The following OBSL1 variants were observed in gnomAD, a reference collection of about 807,000 sequenced individuals.
OBSL1 encodes obscurin-like protein 1.
In OBSL1, 160 loss-of-function variants were observed where a neutral mutation model predicts 172.0. That is an observed-to-expected ratio of 0.93 (90% CI 0.82 to 1.06). OBSL1 has a LOEUF of 1.06. Among genes scored for constraint, OBSL1 ranks in the 50% least tolerant of loss-of-function variants. The pLI is 0.00. For missense variants in OBSL1, 2,681 were observed against 2,715.4 expected, an observed-to-expected ratio of 0.99 and a Z score of 0.28; for synonymous variants, 1,200 against 1,196.3, an observed-to-expected ratio of 1.00 and a Z score of -0.06.
At chr2:219,554,226 T>C in intron 15 of OBSL1, 3 of 574,330 alleles carry the variant, frequency 5.2e-6, no homozygotes, top group South Asian at 2.1e-5. Context: ...GGCAAAGGCA[T>C]GCTCTTGGTA....
intron 9 of OBSL1, among the ~76,000 whole-genome samples, 179 bp from the exon 10 acceptor site, chr2:219,558,638 TCA>T (rs1028879638): frequency 7.2e-5 from 11 of 152,242 alleles, no homozygotes; most frequent in Non-Finnish European, 1.5e-4. Context: ...GTTTTTTCAA[TCA>T]GTTACTCTGA....
chr2:219,566,928 T>G lies in OBSL1; in HGVS notation c.2036A>C (p.His679Pro). 1 of 1,613,706 alleles carries G rather than the reference T, an allele frequency of 6.2e-7. No individual in the cohort carries two copies. Among genetic ancestry groups the G allele is most frequent in the Non-Finnish European group, 8.5e-7 (1 of 1,179,764 alleles). ...RYRIEQKGLQ[H>P]RLILHAVKHQ... ...CTTGACGGCATGCAGGATGAGTCTG[T>G]GCTGCAGACCCTTCTGCTCTATACG... The change falls in exon 5 of 21, where the codon CAC (histidine) becomes CCC (proline). Residue 679 changes from histidine to proline, a missense_variant. This residue lies in a region of OBSL1 where 1,765 missense variants were observed against 1,748.3 expected (regional missense o/e 1.01). Transcript: ENST00000404537.
intron 5 of OBSL1, 57 bp from the exon 6 acceptor site, chr2:219,565,571 C>A: frequency 6.4e-7 from 1 of 1,550,484 alleles, no homozygotes; most frequent in South Asian, 1.1e-5. Context: ...GGCTCAGTGT[C>A]GGATGCATCA....
At position 219,570,906 on chromosome 2, in the gene OBSL1, G is replaced by T; in HGVS notation, c.327C>A (p.Pro109=). 7.6e-7 allele frequency: 1 copy of T among 1,318,472 alleles called. No individual in the cohort carries two copies. The highest frequency in any genetic ancestry group is 2.3e-5 in the South Asian group (1 of 43,226). The allele number at this position is 1,318,472 out of a possible 1,614,324, so 81.7% of individuals were successfully genotyped here. A position where few individuals can be genotyped will look rare whatever the true frequency, so the allele number is the denominator to read the frequency against. The change falls in exon 1 of 21, where the codon CCC becomes CCA. Residue 109 remains proline (P), a synonymous_variant. Coordinates refer to ENST00000404537, the MANE Select transcript of OBSL1 (RefSeq NM_015311.3). ...GCGGGCGCTCGGCGGGCTGCAGCTC[G>T]GGGTCGGAGGCCGGCGGCTCCAGCA... The part of the protein sequence containing the change: ...VTVLEPPASD[P]ELQPAERPLP...
downstream of OBSL1, chr2:219,547,407 C>G: frequency 1.0e-6 from 1 of 979,320 alleles, no homozygotes. Context: ...GTCTTTGTCT[C>G]TGGTTCCCCT....
In OBSL1 at chr2:219,556,225, G is replaced by A. The variant is rs1480434715; in HGVS notation, c.4404C>T (p.Leu1468=). 16 of 1,608,916 alleles carry A rather than the reference G, an allele frequency of 9.9e-6. No individual in the cohort carries two copies. The highest frequency in any genetic ancestry group is 3.3e-5 in the South Asian group (3 of 90,680). ...CACCCACTCGGCCTGTCTCCACTTC[G>A]AGACACACATCCTGGCCTTCCTCTG... is the stretch of plus-strand genomic sequence containing the variant. ...VRAEEGQDVC[L]EVETGRVGAA... The change falls in exon 14 of 21, where the codon CTC becomes CTT. Residue 1468 remains leucine (L), a synonymous_variant. Transcript: ENST00000404537.
Position 219,556,590 on chromosome 2 carries a change from AGT to A in OBSL1, c.4198_4199del (p.Thr1400SerfsTer153), listed in dbSNP as rs775310530. ...GGGCCATCTCCACCTGGGGCCCTGG[AGT>A]GACGACGGCCCCATTGCGCAGCCAG... Reference protein sequence around the residue: ...VTWLRNGAVVTPGPQVEMAQN... With the variant: ...VTWLRNGAVVXPGPQVEMAQN... On this transcript the variant is annotated frameshift_variant, in exon 13 of 21. Coordinates refer to ENST00000404537, the MANE Select transcript of OBSL1 (RefSeq NM_015311.3). LOFTEE classifies it high-confidence loss of function. 3.5e-5 allele frequency: 56 copies of A among 1,613,730 alleles called. No individual in the cohort carries two copies. Among genetic ancestry groups the A allele is most frequent in the Non-Finnish European group, 4.6e-5 (54 of 1,179,872 alleles).
chr2:219,556,081 G>A lies in OBSL1; in HGVS notation c.4548C>T (p.Asp1516=). The A allele has an allele frequency of 6.2e-7, 1 of 1,613,872 alleles. No homozygotes were observed. Among genetic ancestry groups the A allele is most frequent in the Non-Finnish European group, 8.5e-7 (1 of 1,179,904 alleles). Residue 1516 remains aspartate, a synonymous_variant, in exon 14 of 21, where the codon GAC becomes GAT. Coordinates refer to ENST00000404537, the MANE Select transcript of OBSL1 (RefSeq NM_015311.3). The part of the protein sequence containing the change: ...RLFIHGVILA[D]QGTYGCESHH... ...GGCTCTCGCAGCCGTAGGTGCCCTG[G>A]TCGGCCAGTATGACACCATGGATGA... is the stretch of plus-strand genomic sequence containing the variant.
intron 20 of OBSL1, chr2:219,551,091 GGAAA>G: frequency 2.1e-6 from 3 of 1,411,860 alleles, no homozygotes; most frequent in Non-Finnish European, 2.8e-6. Context: ...ATGGGGAAGA[GGAAA>G]GAAAGAGGCT....
chr2:219,557,515 GC>G lies in OBSL1; in HGVS notation c.3893del (p.Gly1298AlafsTer63). On this transcript the variant is annotated frameshift_variant, in exon 12 of 21. Coordinates refer to ENST00000404537, the MANE Select transcript of OBSL1 (RefSeq NM_015311.3). LOFTEE classifies it high-confidence loss of function. ...ELVVHLSGPGGPVRWYKDGER... is the reference protein window; with the variant it reads ...ELVVHLSGPGXPVRWYKDGER... ...CCCCGTCCTTGTACCAGCGTACAGGGCCCCCTGGCCCGGAGAGGTGCACCAC... is the reference window on the plus strand; with the variant it reads ...CCCCGTCCTTGTACCAGCGTACAGGGCCCCTGGCCCGGAGAGGTGCACCAC... The G allele has an allele frequency of 6.4e-7, 1 of 1,552,318 alleles. No homozygotes were observed.
At chr2:219,551,262 C>T (rs1695590684) in intron 20 of OBSL1, 2 of 1,398,250 alleles carry the variant, frequency 1.4e-6, no homozygotes, top group South Asian at 3.4e-5. Context: ...CAAACATGGT[C>T]CAGTGGCAGG....
At chr2:219,554,862 A>C in intron 14 of OBSL1, 122 bp from the exon 15 acceptor site, 1 of 1,156,470 alleles carries the variant, frequency 8.6e-7, no homozygotes. Context: ...TCCTGACCAA[A>C]AAAGTTCGGA....
In OBSL1 at chr2:219,558,421, G is replaced by C. The variant is rs1287498332; in HGVS notation, c.3265C>G (p.Leu1089Val). The C allele has an allele frequency of 6.9e-6, 11 of 1,597,268 alleles. No homozygotes were observed. The highest frequency in any genetic ancestry group is 9.4e-6 in the Non-Finnish European group (11 of 1,173,470). ...ERIVHPAARS[L>V]DLHFGAPGRV... is the part of the protein sequence containing the mutation. ...CCTGGAGCCCCAAAATGCAGATCCA[G>C]GGAGCGGGCTGCCGGGTGCACAATC... The change falls in exon 10 of 21, where the codon CTG becomes GTG. Residue 1089 changes from leucine to valine, a missense_variant. Around this residue, in one of 5 missense-constraint regions of OBSL1, gnomAD observed 1,765 missense variants for 1,748.3 expected, o/e 1.01. Coordinates refer to ENST00000404537, the MANE Select transcript of OBSL1 (RefSeq NM_015311.3).
At chr2:219,559,938 G>T (rs1696342904) in intron 8 of OBSL1, among the ~76,000 whole-genome samples, 1 of 152,190 alleles carries the variant, frequency 6.6e-6, no homozygotes, top group African/African-American at 2.4e-5. Context: ...CATAGAAATA[G>T]CTTCAGAGCA....
chr2:219,559,615 A>T (rs997562618), intron 8 of OBSL1, 118 bp from the exon 9 acceptor site: 1 of 860,268 alleles, frequency 1.2e-6, no homozygotes, highest in African/African-American at 1.7e-5. Context: ...GTAAAATAAT[A>T]ATAAGCAATA....
chr2:219,549,402 A>C (rs1198708173), downstream of OBSL1: 10 of 1,575,910 alleles, frequency 6.3e-6, no homozygotes, highest in Admixed American at 1.8e-5. Flanking sequence ...AAGTGTGGAA[A>C]CTCTTTCCAA....
At position 219,559,302 on chromosome 2, in the gene OBSL1, G is replaced by T. The variant is rs767155142; in HGVS notation, c.3149C>A (p.Ala1050Asp). 1 of 1,613,960 alleles carries T rather than the reference G, an allele frequency of 6.2e-7. No homozygotes were observed. The highest frequency in any genetic ancestry group is 8.5e-7 in the Non-Finnish European group (1 of 1,179,868). ...DGPRCRLVLP[A>D]AQPEDGGEFV... ...CTCGCCCCCGTCCTCGGGCTGAGCAGCAGGTAGCACCAGGCGGCAGCGTGG... is the reference window on the plus strand; with the variant it reads ...CTCGCCCCCGTCCTCGGGCTGAGCATCAGGTAGCACCAGGCGGCAGCGTGG... Residue 1050 changes from alanine to aspartate, a missense_variant, in exon 9 of 21, where the codon GCT (alanine) becomes GAT (aspartate). By Grantham distance (126) the Ala-to-Asp change is moderately radical (BLOSUM62 -2). This residue lies in a region of OBSL1 where 1,765 missense variants were observed against 1,748.3 expected (regional missense o/e 1.01). Coordinates refer to ENST00000404537, the MANE Select transcript of OBSL1 (RefSeq NM_015311.3).
chr2:219,571,225 G>C lies in OBSL1; in HGVS notation c.8C>G (p.Ala3Gly). Reference protein sequence around the residue: MKASSGDQGSPPC... With the variant: MKGSSGDQGSPPC... ...GGGGCTCCCCTGATCCCCCGAGCTC[G>C]CCTTCATCGCGGCGGCCGACCGCCT... Residue 3 changes from alanine (A) to glycine (G), a missense_variant, in exon 1 of 21, where the codon GCG becomes GGG. Physicochemically the swap from Ala to Gly is moderately conservative, Grantham distance 60 (BLOSUM62 0). Coordinates refer to ENST00000404537, the MANE Select transcript of OBSL1 (RefSeq NM_015311.3). 1 of 1,325,552 alleles carries C rather than the reference G, an allele frequency of 7.5e-7. No homozygotes were observed. The highest frequency in any genetic ancestry group is 1.9e-5 in the South Asian group (1 of 51,750). 82.1% of individuals were successfully genotyped at this position (1,325,552 alleles called of 1,614,324 possible).
At chr2:219,554,830 C>A in intron 14 of OBSL1, 90 bp from the exon 15 acceptor site, 1 of 1,403,056 alleles carries the variant, frequency 7.1e-7, no homozygotes, top group East Asian at 2.5e-5. Flanking sequence ...CCTGCCTACA[C>A]CCCTGAACAC....
Sources: allele counts gnomAD v4.1 joint callset (sites outside exome capture counted in the v4.1 genomes callset), GRCh38; gene constraint gnomAD v4.1.1; regional missense constraint gnomAD v4.1.1; transcripts MANE v1.5; gene names NCBI Gene and HGNC (gene_info 2026-07-23, HGNC 2026-07-21).